Variants in RAB40C observed in about 807,000 individuals in gnomAD.
RAB40C encodes ras-related protein Rab-40C.
RAB40C carries 8 observed loss-of-function variants against 28.1 expected under a neutral mutation model. That is an observed-to-expected ratio of 0.28 (90% CI 0.17 to 0.51). The LOEUF (loss-of-function observed/expected upper bound fraction) is 0.51. Ranked by LOEUF, RAB40C falls within the 20% of genes least tolerant of loss-of-function variation. The pLI is 0.97. For missense variants in RAB40C, 288 were observed against 405.9 expected (o/e 0.71, Z 2.50); for synonymous variants, 201 against 171.7 (o/e 1.17, Z -1.34).
intron 3 of RAB40C, 109 bp downstream of exon 3, chr16:618,369 A>G (rs1482106555): frequency 1.8e-6 from 2 of 1,102,630 alleles, no homozygotes; most frequent in African/African-American, 1.6e-5. Context: ...CTTTCTTTAT[A>G]AGGATATTCT....
At position 610,051 on chromosome 16, in the gene RAB40C, C is replaced by T. The variant is rs1044847608; in HGVS notation, c.143-7157C>T. Among the ~76,000 whole-genome samples, 10 of 152,352 alleles carry T rather than the reference C, an allele frequency of 6.6e-5. No homozygotes were observed. Among genetic ancestry groups the T allele is most frequent in the East Asian group, 1.9e-4 (1 of 5,188 alleles). On this transcript the variant is annotated intron_variant, in intron 1 of 5. Transcript: ENST00000248139. This position sits in a 1 kb window ranked among gnomAD's most constrained non-coding sequence, Gnocchi z 4.6. ...CAGCCTGGTGGCTCGGGTGCCAGGC[C>T]AGGGCCAGATGTAGCCTCATACCAG... is the stretch of plus-strand genomic sequence containing the variant.
intron 2 of RAB40C, 103 bp downstream of exon 2, chr16:617,371 C>A: frequency 1.5e-6 from 2 of 1,369,022 alleles, no homozygotes; most frequent in Non-Finnish European, 2.1e-6. Flanking sequence ...TTGCATTTCA[C>A]TTGGAAGAGC....
At chr16:602,622 G>A (rs2036277305) in intron 1 of RAB40C, among the ~76,000 whole-genome samples, 2 of 151,962 alleles carry the variant, frequency 1.3e-5, no homozygotes, top group South Asian at 4.1e-4. Flanking sequence ...TAGTAGAGAT[G>A]AGGTTTCACC....
In RAB40C at chr16:625,486, C is replaced by T. The variant is rs1234126973; in HGVS notation, c.319C>T (p.Arg107Cys). 7 of 1,613,380 alleles carry T rather than the reference C, an allele frequency of 4.3e-6. No individual in the cohort carries two copies. Among genetic ancestry groups the T allele is most frequent in the South Asian group, 1.1e-5 (1 of 91,076 alleles). Residue 107 changes from arginine to cysteine, a missense_variant, in exon 4 of 6, where the codon CGC (arginine) becomes TGC (cysteine). Physicochemically the swap from Arg to Cys is radical, Grantham distance 180 (BLOSUM62 -3). Coordinates refer to ENST00000248139, the MANE Select transcript of RAB40C (RefSeq NM_021168.5). Reference protein sequence around the residue: ...TNRWSFDGIDRWIKEIDEHAP... With the variant: ...TNRWSFDGIDCWIKEIDEHAP... The stretch of plus-strand genomic sequence containing the variant: ...CCGCTGGTCCTTTGACGGCATCGAC[C>T]GCTGGATCAAGGAGATCGATGAGGT...
chr16:612,739 G>A (rs2036507489), intron 1 of RAB40C, among the ~76,000 whole-genome samples: 1 of 15,276 alleles, frequency 6.5e-5, no homozygotes, highest in Admixed American at 5.6e-4. Flanking sequence ...AGGGACAGCC[G>A]CCCTGGCCTG....
At chr16:603,422 G>A (rs1361555914) in intron 1 of RAB40C, among the ~76,000 whole-genome samples, 3 of 150,048 alleles carry the variant, frequency 2.0e-5, no homozygotes, top group African/African-American at 4.8e-5. Flanking sequence ...GTGGTATGCC[G>A]GAAGATTGAA....
At chr16:621,080 T>C (rs1041225711) in intron 3 of RAB40C, among the ~76,000 whole-genome samples, 6 of 152,266 alleles carry the variant, frequency 3.9e-5, no homozygotes, top group African/African-American at 1.2e-4. Flanking sequence ...CTGGAAATTC[T>C]GAGCTGTCAT....
intron 3 of RAB40C, among the ~76,000 whole-genome samples, chr16:620,328 G>A (rs2036684747): frequency 6.6e-6 from 1 of 151,812 alleles, no homozygotes; most frequent in South Asian, 2.1e-4. Flanking sequence ...AGGAGGTGGA[G>A]GTTGCAGTGA....
rs550403922 is a variant in RAB40C, at chr16:627,638, C to T, written c.*16C>T. The stretch of plus-strand genomic sequence containing the variant: ...GATCTCCTAGCGGGGATGGGCGGGG[C>T]CGCCTGTGCAGATGCCAGGAGGGCT... On this transcript the variant is annotated 3_prime_UTR_variant, in exon 6 of 6. Coordinates refer to ENST00000248139, the MANE Select transcript of RAB40C (RefSeq NM_021168.5). 5.1e-6 allele frequency: 8 copies of T among 1,558,656 alleles called. No individual in the cohort carries two copies. The highest frequency in any genetic ancestry group is 1.4e-5 in the African/African-American group (1 of 73,848).
chr16:626,686 C>T (rs550063833), intron 5 of RAB40C, among the ~76,000 whole-genome samples: 28 of 152,300 alleles, frequency 1.8e-4, no homozygotes, highest in African/African-American at 5.5e-4. Flanking sequence ...TCCTGTAATC[C>T]CAGCACTTTG....
rs1287972987 is a variant in RAB40C, at chr16:617,192, C to G, written c.143-16C>G. 1 of 1,613,318 alleles carries G rather than the reference C, an allele frequency of 6.2e-7. No homozygotes were observed. Among genetic ancestry groups the G allele is most frequent in the Admixed American group, 1.7e-5 (1 of 60,026 alleles). On this transcript the variant is annotated splice_polypyrimidine_tract_variant and intron_variant, in intron 1 of 5. Coordinates refer to ENST00000248139, the MANE Select transcript of RAB40C (RefSeq NM_021168.5). ...AGGAGTGGCGCGTCCCCTCAGCGCC[C>G]TGTGCTTCCTCGCAGGGATCGACTA...
At position 618,183 on chromosome 16, in the gene RAB40C, CT is replaced by C; in HGVS notation, c.204-16del. 6.2e-7 allele frequency: 1 copy of C among 1,610,988 alleles called. No individual in the cohort carries two copies. The highest frequency in any genetic ancestry group is 1.1e-5 in the South Asian group (1 of 90,692). On this transcript the variant is annotated splice_polypyrimidine_tract_variant and intron_variant, in intron 2 of 5. Coordinates refer to ENST00000248139, the MANE Select transcript of RAB40C (RefSeq NM_021168.5). Reference sequence around the variant, plus strand: ...AGGGACCACAGTCCCGGCCCCTCCCCTCCCCGTATGTTTCAGGGACACGTCG... The same window carrying C: ...AGGGACCACAGTCCCGGCCCCTCCCCCCCCGTATGTTTCAGGGACACGTCG...
chr16:589,580 T>C (rs989708486), upstream of RAB40C: 3 of 152,176 alleles, frequency 2.0e-5, no homozygotes, highest in Non-Finnish European at 1.5e-5. Flanking sequence ...AGAGCCGTGA[T>C]GGACATGCAA....
At chr16:619,889 G>A (rs944549085) in intron 3 of RAB40C, among the ~76,000 whole-genome samples, 2 of 152,360 alleles carry the variant, frequency 1.3e-5, no homozygotes, top group African/African-American at 2.4e-5. Context: ...ACCTGCTGGC[G>A]GTGGGTGGGA....
chr16:620,662 G>A (rs1464769176), intron 3 of RAB40C, among the ~76,000 whole-genome samples: 2 of 22,044 alleles, frequency 9.1e-5, no homozygotes, highest in Non-Finnish European at 1.6e-4. Flanking sequence ...GCCCCCCCCC[G>A]ACGGGCTCCA....
At chr16:600,529 G>T (rs1000470816) in intron 1 of RAB40C, among the ~76,000 whole-genome samples, 16 of 152,170 alleles carry the variant, frequency 1.1e-4, no homozygotes, top group Non-Finnish European at 2.1e-4. Context: ...GAGGCGGGCG[G>T]ATCACAAGGT....
chr16:594,794 C>T (rs1050970368), intron 1 of RAB40C, among the ~76,000 whole-genome samples: 2 of 150,646 alleles, frequency 1.3e-5, no homozygotes, highest in Non-Finnish European at 2.9e-5. Flanking sequence ...CTCCCCTGCA[C>T]TTGATTAGGT....
At chr16:603,410 G>C (rs1596402831) in intron 1 of RAB40C, among the ~76,000 whole-genome samples, 1 of 152,176 alleles carries the variant, frequency 6.6e-6, no homozygotes, top group Non-Finnish European at 1.5e-5. Context: ...CATCCGAGGG[G>C]AGTGGTATGC....
intron 1 of RAB40C, among the ~76,000 whole-genome samples, chr16:598,029 G>A (rs1222037612): frequency 6.7e-6 from 1 of 149,608 alleles, no homozygotes; most frequent in Non-Finnish European, 1.5e-5. Flanking sequence ...GGTGAATCAC[G>A]AGGTCAAGAG....
Sources: gnomAD v4.1 joint callset for allele counts (sites outside exome capture counted in the v4.1 genomes callset) on GRCh38, gnomAD v4.1.1 for gene constraint, Gnocchi (gnomAD v3.1) non-coding constraint, MANE v1.5 for transcripts, NCBI Gene and HGNC (gene_info 2026-07-23, HGNC 2026-07-21) for gene names.